SIN3A: variants seen among roughly 807,000 people sequenced by gnomAD.
The protein encoded by SIN3A is SIN3 transcription regulator family member A, also known as paired amphipathic helix protein Sin3a.
Under a neutral mutation model 146.1 loss-of-function variants are expected in SIN3A, and 14 were observed. The ratio of observed to expected loss-of-function variants is 0.10; its 90% CI spans 0.06 to 0.15. SIN3A has a LOEUF of 0.15. Among genes scored for constraint, SIN3A ranks in the 10% least tolerant of loss-of-function variants. SIN3A has a pLI of 1.00. For missense variants in SIN3A, 1,028 were observed against 1,576.0 expected (o/e 0.65, Z 5.89); for synonymous variants, 572 against 572.0 (o/e 1.00, Z 0.00).
rs758076139 is a variant in SIN3A, at chr15:75,375,675, C to T, written c.3581G>A (p.Arg1194Gln). Residue 1194 changes from arginine to glutamine, a missense_variant, in exon 20 of 21, where the codon CGG becomes CAG. Arg to Gln is a conservative substitution (Grantham distance 43). Coordinates refer to ENST00000394947, the MANE Select transcript of SIN3A (RefSeq NM_001145358.2). Reference sequence around the variant, plus strand: ...GTTACTGGTTCTCACCTGATGAGCCCGGAGCAGGGCGGTCCTCCGATACAT... The same window carrying T: ...GTTACTGGTTCTCACCTGATGAGCCTGGAGCAGGGCGGTCCTCCGATACAT... ...DYMYRRTALL[R>Q]AHQSHERVSK... 1 of 1,613,876 alleles carries T rather than the reference C, an allele frequency of 6.2e-7. No individual in the cohort carries two copies. The highest frequency in any genetic ancestry group is 1.3e-5 in the African/African-American group (1 of 74,910).
chr15:75,430,241 A>C lies in SIN3A; in HGVS notation c.135T>G (p.Ser45=). ...APAPPVYEAV[S]ETMQSATGIQ... is the part of the protein sequence containing the mutation. The stretch of plus-strand genomic sequence containing the variant: ...TTCCCGTAGCTGACTGCATGGTCTC[A>C]GACACTGCTTCATACACAGGAGGGG... Residue 45 remains serine (S), a synonymous_variant, in exon 2 of 21, where the codon TCT becomes TCG. Coordinates refer to ENST00000394947, the MANE Select transcript of SIN3A (RefSeq NM_001145358.2). 6.2e-7 allele frequency: 1 copy of C among 1,614,146 alleles called. No individual in the cohort carries two copies. Among genetic ancestry groups the C allele is most frequent in the Non-Finnish European group, 8.5e-7 (1 of 1,180,010 alleles).
intron 2 of SIN3A, among the ~76,000 whole-genome samples, chr15:75,423,816 G>C (rs2073880212): frequency 6.6e-6 from 1 of 151,832 alleles, no homozygotes; most frequent in African/African-American, 2.4e-5. Flanking sequence ...AACATGGTAA[G>C]ACCCTGTCTC....
chr15:75,372,820 CAAAA>C (rs370930119), intron 20 of SIN3A, among the ~76,000 whole-genome samples: 1 of 79,524 alleles, frequency 1.3e-5, no homozygotes, highest in Non-Finnish European at 2.3e-5. Context: ...ACCCTGTCTC[CAAAA>C]AAAAAAAAAA....
At chr15:75,379,738 C>T (rs1208097301) in intron 19 of SIN3A, among the ~76,000 whole-genome samples, 2 of 152,182 alleles carry the variant, frequency 1.3e-5, no homozygotes, top group Non-Finnish European at 2.9e-5. Context: ...CAATTCAAAA[C>T]TTTTAGGAAG....
At chr15:75,384,957 T>C (rs1253702030) in intron 16 of SIN3A, among the ~76,000 whole-genome samples, 2 of 152,156 alleles carry the variant, frequency 1.3e-5, no homozygotes, top group East Asian at 1.9e-4. Context: ...GCCAATCACC[T>C]GAGGTCAGGT....
chr15:75,451,410 A>G lies in SIN3A; in HGVS notation c.-34+13T>C, dbSNP rs1252443711. 8.2e-6 allele frequency: 1 copy of G among 121,288 alleles called. No homozygotes were observed. The highest frequency in any genetic ancestry group is 2.7e-4 in the East Asian group (1 of 3,730). 7.5% of individuals were successfully genotyped at this position (121,288 alleles called of 1,614,324 possible). A position where few individuals can be genotyped will look rare whatever the true frequency, so the allele number is the denominator to read the frequency against. On this transcript the variant is annotated intron_variant, in intron 1 of 20. Transcript: ENST00000394947. ...CAGGCTCCCGCCCGGCCCCCGGCCCAGCGTGCTCTCACCGCAAAGCTGCTT... is the reference window on the plus strand; with the variant it reads ...CAGGCTCCCGCCCGGCCCCCGGCCCGGCGTGCTCTCACCGCAAAGCTGCTT...
rs531593444 is a variant in SIN3A, at chr15:75,380,139, TGA to T, written c.3383+488_3383+489del. On this transcript the variant is annotated intron_variant, in intron 19 of 20. Coordinates refer to ENST00000394947, the MANE Select transcript of SIN3A (RefSeq NM_001145358.2). ...AAAAATCCTGGCACAGAGTCTCTAATGAGCTGCCCTGGTAGACAGCATTTTGC... is the reference window on the plus strand; with the variant it reads ...AAAAATCCTGGCACAGAGTCTCTAATGCTGCCCTGGTAGACAGCATTTTGC... 4.1e-4 allele frequency among the ~76,000 whole-genome samples: 62 copies of T among 152,366 alleles called. 1 individual carries two copies. The highest frequency in any genetic ancestry group is 1.5e-3 in the African/African-American group (62 of 41,590).
chr15:75,402,527 A>G (rs2073430165), intron 9 of SIN3A, among the ~76,000 whole-genome samples: 1 of 152,118 alleles, frequency 6.6e-6, no homozygotes, highest in Non-Finnish European at 1.5e-5. Flanking sequence ...CATAAGTAAA[A>G]AAATAAAATA....
chr15:75,401,465 C>T (rs1005383982), intron 10 of SIN3A, among the ~76,000 whole-genome samples: 4 of 151,952 alleles, frequency 2.6e-5, no homozygotes, highest in Admixed American at 2.0e-4. Flanking sequence ...ACCCAGGAGG[C>T]GGAGGTTGCA....
At chr15:75,381,825 TGAG>T in intron 17 of SIN3A, 120 bp from the exon 18 acceptor site, 2 of 800,054 alleles carry the variant, frequency 2.5e-6, no homozygotes, top group East Asian at 5.3e-5. Context: ...ACTGAAGAGA[TGAG>T]GAAGATACTA....
chr15:75,370,560 TCTCC>T lies in SIN3A; in HGVS notation c.*1415_*1418del, dbSNP rs2141352545. ...AAAATAGGTATCCCATTTCAAATTC[TCTCC>T]CTCCCAACTCCATTTATAAGGTATA... On this transcript the variant is annotated 3_prime_UTR_variant, in exon 21 of 21. Transcript: ENST00000394947. The T allele has an allele frequency of 6.6e-6, 1 of 152,300 alleles. No individual in the cohort carries two copies. The highest frequency in any genetic ancestry group is 1.5e-5 in the Non-Finnish European group (1 of 68,024). The allele number at this position is 152,300 out of a possible 1,614,324, so 9.4% of individuals were successfully genotyped here. A position where few individuals can be genotyped will look rare whatever the true frequency, so the allele number is the denominator to read the frequency against.
In SIN3A at chr15:75,392,804, C is replaced by G. The variant is rs1382426151; in HGVS notation, c.2289G>C (p.Gln763His). 1 of 1,607,162 alleles carries G rather than the reference C, an allele frequency of 6.2e-7. No homozygotes were observed. Among genetic ancestry groups the G allele is most frequent in the Non-Finnish European group, 8.5e-7 (1 of 1,176,610 alleles). The change falls in exon 15 of 21, where the codon CAG becomes CAC. Residue 763 changes from glutamine to histidine, a missense_variant. Around this residue, in one of 9 missense-constraint regions of SIN3A, gnomAD observed 488 missense variants for 690.2 expected, o/e 0.71. Transcript: ENST00000394947. ...IESIYDERQE[Q>H]ATEENAGVPV... ...GTACACCAGCATTCTCCTCCGTAGC[C>G]TGCTCTTGCCTCTGATGGGACAGAG...
chr15:75,376,025 A>T, intron 19 of SIN3A, 153 bp from the exon 20 acceptor site: 1 of 721,738 alleles, frequency 1.4e-6, no homozygotes, highest in Non-Finnish European at 2.3e-6. Context: ...ACTGCAAAAA[A>T]AATTTCAACT....
chr15:75,412,687 T>TA, intron 5 of SIN3A, 76 bp downstream of exon 5: 1 of 1,369,548 alleles, frequency 7.3e-7, no homozygotes, highest in African/African-American at 1.5e-5. Context: ...CTAAGTCTTA[T>TA]ATAAAGGGGA....
intron 1 of SIN3A, among the ~76,000 whole-genome samples, chr15:75,443,293 C>T (rs1384304029): frequency 6.6e-6 from 1 of 152,070 alleles, no homozygotes; most frequent in Non-Finnish European, 1.5e-5. Context: ...TTAAATATGT[C>T]CAATGAAAGC....
chr15:75,438,065 A>G (rs987383635), intron 1 of SIN3A, among the ~76,000 whole-genome samples: 8 of 152,176 alleles, frequency 5.3e-5, no homozygotes, highest in African/African-American at 1.9e-4. Flanking sequence ...TCACCTGGCC[A>G]TGTGTTATAA....
chr15:75,411,739 G>C lies in SIN3A; in HGVS notation c.761C>G (p.Ser254Cys). 3.1e-6 allele frequency: 5 copies of C among 1,591,366 alleles called. No individual in the cohort carries two copies. The highest frequency in any genetic ancestry group is 4.3e-6 in the Non-Finnish European group (5 of 1,167,384). Residue 254 changes from serine (S) to cysteine (C), a missense_variant, in exon 6 of 21, where the codon TCC becomes TGC. By Grantham distance (112) the Ser-to-Cys change is moderately radical. Transcript: ENST00000394947. ...GGCCGGAGTATGTGCTTGCAGTTGG[G>C]AGGGCTAGAAAGAAAAGAAATCTTT... is the stretch of plus-strand genomic sequence containing the variant. ...QPPPAKVSKP[S>C]QLQAHTPASQ...
At chr15:75,404,909 C>G (rs765418625) in intron 9 of SIN3A, among the ~76,000 whole-genome samples, 19 of 151,450 alleles carry the variant, frequency 1.3e-4, no homozygotes, top group Admixed American at 2.6e-4. Context: ...ATGCTGAGGC[C>G]GAAGGAGGAG....
At chr15:75,448,544 T>C (rs1233418052) in intron 1 of SIN3A, among the ~76,000 whole-genome samples, 1 of 151,810 alleles carries the variant, frequency 6.6e-6, no homozygotes, top group Non-Finnish European at 1.5e-5. Flanking sequence ...ACACAGTAAG[T>C]GCTCAATAAA....
Sources: allele counts gnomAD v4.1 joint callset (sites outside exome capture counted in the v4.1 genomes callset), GRCh38; gene constraint gnomAD v4.1.1; regional missense constraint gnomAD v4.1.1; transcripts MANE v1.5; gene names NCBI Gene and HGNC (gene_info 2026-07-23, HGNC 2026-07-21).